Variants in THRB observed in about 807,000 individuals in gnomAD.
The protein encoded by THRB is nuclear receptor subfamily 1 group A member 2.
A neutral mutation model predicts 47.8 loss-of-function variants in THRB; 12 were observed. That is an observed-to-expected ratio of 0.25 (90% CI 0.16 to 0.41). The LOEUF (loss-of-function observed/expected upper bound fraction) is 0.41. Ranked by LOEUF, THRB falls within the 10% of genes least tolerant of loss-of-function variation. THRB has a pLI of 1.00. For synonymous variants in THRB, 218 were observed against 212.2 expected (o/e 1.03, Z -0.24); for missense variants, 348 against 589.2 (o/e 0.59, Z 4.24).
chr3:24,383,621 A>T (rs2065869253), intron 1 of THRB, among the ~76,000 whole-genome samples: 1 of 152,134 alleles, frequency 6.6e-6, no homozygotes, highest in Admixed American at 6.6e-5. Context: ...GACTATAATC[A>T]TGTCTCTGAG....
At chr3:24,211,555 C>G (rs2046029427) in intron 4 of THRB, among the ~76,000 whole-genome samples, 1 of 152,202 alleles carries the variant, frequency 6.6e-6, no homozygotes, top group African/African-American at 2.4e-5. Context: ...TTGGATGGCA[C>G]ACTGTGTAGG....
intron 3 of THRB, among the ~76,000 whole-genome samples, chr3:24,263,261 C>T (rs1474099201): frequency 6.6e-6 from 1 of 152,008 alleles, no homozygotes; most frequent in Non-Finnish European, 1.5e-5. Context: ...TGCCATGTAC[C>T]GAATGTGTAT....
chr3:24,262,480 A>G (rs2052167576), intron 3 of THRB, among the ~76,000 whole-genome samples: 2 of 151,656 alleles, frequency 1.3e-5, no homozygotes, highest in Admixed American at 1.3e-4. Context: ...CAAGTTCCCC[A>G]CTCCCTCTGA....
intron 4 of THRB, among the ~76,000 whole-genome samples, chr3:24,220,043 G>A (rs979862187): frequency 6.6e-6 from 1 of 152,232 alleles, no homozygotes; most frequent in Non-Finnish European, 1.5e-5. Flanking sequence ...TCCAGCTGAT[G>A]TGTAATAGGC....
rs760055883 is a variant in THRB, at chr3:24,143,604, G to C, written c.635C>G (p.Pro212Arg). The C allele has an allele frequency of 2.7e-5, 44 of 1,614,064 alleles. No homozygotes were observed. Among genetic ancestry groups the C allele is most frequent in the Non-Finnish European group, 3.7e-5 (44 of 1,180,038 alleles). Residue 212 changes from proline to arginine, a missense_variant, in exon 8 of 11, where the codon CCA (proline) becomes CGA (arginine). By Grantham distance (103) the Pro-to-Arg change is moderately radical. Coordinates refer to ENST00000646209, the MANE Select transcript of THRB (RefSeq NM_001354712.2). ...EELQKSIGHKPEPTDEEWELI... is the reference protein window; with the variant it reads ...EELQKSIGHKREPTDEEWELI... ...CTCCCATTCCTCGTCTGTGGGCTCTGGCTTGTGCCCGATGGACTTCTGCAG... is the reference window on the plus strand; with the variant it reads ...CTCCCATTCCTCGTCTGTGGGCTCTCGCTTGTGCCCGATGGACTTCTGCAG...
At chr3:24,189,965 T>C (rs781256966) in intron 5 of THRB, 109 bp downstream of exon 5, 3 of 1,073,862 alleles carry the variant, frequency 2.8e-6, no homozygotes, top group African/African-American at 1.6e-5. Flanking sequence ...GGAGAAAACA[T>C]GGGACACCAT....
chr3:24,133,510 CTTTA>C, intron 8 of THRB, 48 bp from the exon 9 acceptor site: 1 of 1,561,678 alleles, frequency 6.4e-7, no homozygotes, highest in Non-Finnish European at 8.8e-7. Flanking sequence ...TTGAAGGGAG[CTTTA>C]TTTATCATAG....
intron 1 of THRB, among the ~76,000 whole-genome samples, chr3:24,423,420 GA>G (rs1335646336): frequency 6.6e-6 from 1 of 151,678 alleles, no homozygotes; most frequent in Admixed American, 6.6e-5. Flanking sequence ...CCAGCACTGA[GA>G]TTTTTTTTTT....
chr3:24,273,696 C>A (rs1294234299), intron 3 of THRB, among the ~76,000 whole-genome samples: 1 of 152,120 alleles, frequency 6.6e-6, no homozygotes, highest in Non-Finnish European at 1.5e-5. Flanking sequence ...TGCTTCACTG[C>A]AGAAATATTC....
chr3:24,434,561 C>A (rs1024652516), intron 1 of THRB, among the ~76,000 whole-genome samples: 4 of 152,180 alleles, frequency 2.6e-5, no homozygotes, highest in African/African-American at 9.6e-5. Context: ...ATAAATTATT[C>A]TTTAAATGCA....
chr3:24,231,990 G>T (rs996764503), intron 3 of THRB, among the ~76,000 whole-genome samples: 2 of 152,178 alleles, frequency 1.3e-5, no homozygotes, highest in Admixed American at 1.3e-4. Flanking sequence ...GGGTGGCTAC[G>T]CTAATGAAGG....
chr3:24,398,473 A>G (rs1416798283), intron 1 of THRB, among the ~76,000 whole-genome samples: 2 of 152,232 alleles, frequency 1.3e-5, no homozygotes, highest in Non-Finnish European at 2.9e-5. Context: ...AGACACATGA[A>G]AAAATGCTCA....
intron 1 of THRB, among the ~76,000 whole-genome samples, chr3:24,439,539 C>A (rs1577576359): frequency 6.6e-6 from 1 of 152,136 alleles, no homozygotes; most frequent in African/African-American, 2.4e-5. Context: ...TATGTTGATG[C>A]CTTTCAGTCA....
intron 1 of THRB, among the ~76,000 whole-genome samples, chr3:24,414,774 A>T (rs957572133): frequency 2.0e-5 from 3 of 151,900 alleles, no homozygotes; most frequent in African/African-American, 7.2e-5. Context: ...AGAAAAACAA[A>T]TATTTGCATG....
intron 5 of THRB, among the ~76,000 whole-genome samples, chr3:24,183,076 A>T (rs2042108159): frequency 6.6e-6 from 1 of 152,128 alleles, no homozygotes; most frequent in Non-Finnish European, 1.5e-5. Context: ...GAGAAAAAAA[A>T]TACTTTGGTT....
chr3:24,214,575 C>G (rs1008788944), intron 4 of THRB, among the ~76,000 whole-genome samples: 1 of 152,206 alleles, frequency 6.6e-6, no homozygotes, highest in African/African-American at 2.4e-5. Context: ...GTCTCTGAAT[C>G]CCAAAGACCA....
intron 1 of THRB, among the ~76,000 whole-genome samples, chr3:24,411,977 C>T (rs1248426501): frequency 2.6e-5 from 4 of 151,678 alleles, no homozygotes; most frequent in Non-Finnish European, 5.9e-5. Context: ...ATCAAGTTTT[C>T]AGGACGTTTC....
At chr3:24,293,063 T>G (rs375166309) in intron 3 of THRB, among the ~76,000 whole-genome samples, 7 of 152,256 alleles carry the variant, frequency 4.6e-5, no homozygotes, top group African/African-American at 1.7e-4. Context: ...TACCACTCAC[T>G]GGTCTGTCCC....
intron 1 of THRB, among the ~76,000 whole-genome samples, chr3:24,343,377 G>A (rs1401996706): frequency 6.6e-6 from 1 of 152,020 alleles, no homozygotes; most frequent in Non-Finnish European, 1.5e-5. Context: ...ACATAACAGT[G>A]GCAATGGAAA....
Sources: gnomAD v4.1 joint callset for allele counts (sites outside exome capture counted in the v4.1 genomes callset) on GRCh38, gnomAD v4.1.1 for gene constraint, MANE v1.5 for transcripts, NCBI Gene and HGNC (gene_info 2026-07-23, HGNC 2026-07-21) for gene names.